PPM1E: variants seen among roughly 807,000 people sequenced by gnomAD.
PPM1E encodes the protein protein phosphatase, Mg2+/Mn2+ dependent 1E.
Under a neutral mutation model 65.9 loss-of-function variants are expected in PPM1E, and 20 were observed. The ratio of observed to expected loss-of-function variants is 0.30; its 90% CI spans 0.21 to 0.44. The LOEUF (loss-of-function observed/expected upper bound fraction) is 0.44. Ranked by LOEUF, PPM1E falls within the 20% of genes least tolerant of loss-of-function variation. PPM1E has a pLI of 1.00. For missense variants in PPM1E, 713 were observed against 953.1 expected (o/e 0.75, Z 3.32); for synonymous variants, 352 against 374.9 (o/e 0.94, Z 0.70).
At chr17:58,870,046 G>A (rs1261100808) in intron 1 of PPM1E, among the ~76,000 whole-genome samples, 1 of 152,160 alleles carries the variant, frequency 6.6e-6, no homozygotes, top group East Asian at 1.9e-4. Context: ...GAGCATGGTT[G>A]ATAAATCAAG....
chr17:58,778,597 A>T (rs76645091), intron 1 of PPM1E, among the ~76,000 whole-genome samples: 287 of 151,410 alleles, frequency 1.9e-3, no homozygotes, highest in African/African-American at 6.7e-3. Flanking sequence ...CTTTGTAGAG[A>T]TGGGGTTTCA....
At chr17:58,870,912 C>T (rs192621938) in intron 1 of PPM1E, among the ~76,000 whole-genome samples, 62 of 152,094 alleles carry the variant, frequency 4.1e-4, no homozygotes, top group African/African-American at 1.4e-3. Context: ...TTAAGTGTGC[C>T]GCCTGTGGGA....
At chr17:58,970,002 TTC>T (rs2030491220) in intron 4 of PPM1E, among the ~76,000 whole-genome samples, 1 of 152,216 alleles carries the variant, frequency 6.6e-6, no homozygotes, top group Non-Finnish European at 1.5e-5. Flanking sequence ...AGTTTCATCT[TTC>T]TTTTATTCAC....
chr17:58,792,684 A>G (rs933964069), intron 1 of PPM1E, among the ~76,000 whole-genome samples: 2 of 143,406 alleles, frequency 1.4e-5, no homozygotes, highest in African/African-American at 2.6e-5. Flanking sequence ...ACTCTTTCCT[A>G]TGTAACATGG....
intron 1 of PPM1E, among the ~76,000 whole-genome samples, chr17:58,882,581 G>A (rs1426057141): frequency 6.6e-6 from 1 of 152,026 alleles, no homozygotes; most frequent in Non-Finnish European, 1.5e-5. Context: ...AGTAGAGACA[G>A]GGTTTCACCA....
At chr17:58,767,828 G>A (rs1598558062) in intron 1 of PPM1E, among the ~76,000 whole-genome samples, 2 of 152,030 alleles carry the variant, frequency 1.3e-5, no homozygotes, top group Non-Finnish European at 1.5e-5. Context: ...TTTTAGTAGA[G>A]ATGGGGTTTC....
intron 1 of PPM1E, among the ~76,000 whole-genome samples, chr17:58,877,426 A>G (rs946233754): frequency 2.0e-5 from 3 of 152,236 alleles, no homozygotes; most frequent in Non-Finnish European, 2.9e-5. Flanking sequence ...AGACAAATAC[A>G]TCTTTACAAA....
At chr17:58,856,947 A>T (rs2050889258) in intron 1 of PPM1E, among the ~76,000 whole-genome samples, 1 of 152,182 alleles carries the variant, frequency 6.6e-6, no homozygotes, top group Non-Finnish European at 1.5e-5. Flanking sequence ...TTTTTTTAAG[A>T]TTAAAAATTT....
At chr17:58,905,813 G>A (rs9911753) in intron 1 of PPM1E, among the ~76,000 whole-genome samples, 85,137 of 151,740 alleles carry the variant, frequency 0.56, 24,190 homozygotes, top group Non-Finnish European at 0.61. Context: ...TAATTAATAG[G>A]TGTATTAATT....
chr17:58,839,684 A>G (rs183690047), intron 1 of PPM1E, among the ~76,000 whole-genome samples: 2 of 152,244 alleles, frequency 1.3e-5, no homozygotes, highest in East Asian at 3.9e-4. Context: ...TATGTACACT[A>G]ACATTGACCA....
chr17:58,934,620 A>G (rs569796140), intron 1 of PPM1E, among the ~76,000 whole-genome samples: 2 of 152,314 alleles, frequency 1.3e-5, no homozygotes, highest in South Asian at 4.1e-4. Flanking sequence ...TGGAGACATA[A>G]ACAGTAAACA....
intron 1 of PPM1E, among the ~76,000 whole-genome samples, chr17:58,858,423 AT>A (rs2050905665): frequency 6.6e-6 from 1 of 152,120 alleles, no homozygotes; most frequent in Non-Finnish European, 1.5e-5. Context: ...TATAGCTGTA[AT>A]TTAGTATCCT....
intron 1 of PPM1E, among the ~76,000 whole-genome samples, chr17:58,829,877 G>T (rs1028789095): frequency 6.6e-6 from 1 of 152,058 alleles, no homozygotes; most frequent in Non-Finnish European, 1.5e-5. Context: ...TAGCCTAGTT[G>T]GGTACAGAAT....
At chr17:58,771,670 T>C (rs1182114378) in intron 1 of PPM1E, among the ~76,000 whole-genome samples, 1 of 135,402 alleles carries the variant, frequency 7.4e-6, no homozygotes, top group African/African-American at 2.9e-5. Context: ...AAGGAAAATA[T>C]ATGATTAAAG....
chr17:58,798,233 T>TG (rs960463894), intron 1 of PPM1E, among the ~76,000 whole-genome samples: 19 of 150,022 alleles, frequency 1.3e-4, no homozygotes, highest in South Asian at 2.1e-4. Context: ...TTTGTTTGTT[T>TG]TTTTTTTTTT....
At chr17:58,842,957 A>G (rs950523563) in intron 1 of PPM1E, among the ~76,000 whole-genome samples, 7 of 151,784 alleles carry the variant, frequency 4.6e-5, no homozygotes, top group Non-Finnish European at 1.0e-4. Flanking sequence ...AAAGTTTAGA[A>G]TGTTTTGATT....
intron 1 of PPM1E, among the ~76,000 whole-genome samples, chr17:58,837,320 A>AACACACATACACACACACACAC (rs751021723): frequency 1.1e-4 from 13 of 120,240 alleles, no homozygotes; most frequent in Non-Finnish European, 2.0e-4. Context: ...GAATGAGAAT[A>AACACACATACACACACACACAC]ACACACACAC....
chr17:58,907,627 CTTG>C (rs1260689996), intron 1 of PPM1E, among the ~76,000 whole-genome samples: 1 of 152,154 alleles, frequency 6.6e-6, no homozygotes, highest in Admixed American at 6.5e-5. Context: ...TCTCTTTGTC[CTTG>C]TTGTTCTACC....
chr17:58,873,565 GTATTAT>G (rs140125879), intron 1 of PPM1E, among the ~76,000 whole-genome samples: 2,097 of 140,966 alleles, frequency 0.015, 32 homozygotes, highest in African/African-American at 0.036. Context: ...AATGCTCATA[GTATTAT>G]TATTATTATT....
Sources: gnomAD v4.1 joint callset for allele counts (sites outside exome capture counted in the v4.1 genomes callset) on GRCh38, gnomAD v4.1.1 for gene constraint, MANE v1.5 for transcripts, NCBI Gene and HGNC (gene_info 2026-07-23, HGNC 2026-07-21) for gene names.